The following SV2C variants were observed in gnomAD, a reference collection of about 807,000 sequenced individuals.
The protein encoded by SV2C is synaptic vesicle glycoprotein 2C.
A neutral mutation model predicts 79.7 loss-of-function variants in SV2C; 49 were observed. That is an observed-to-expected ratio of 0.61 (90% CI 0.49 to 0.78). The LOEUF (loss-of-function observed/expected upper bound fraction) is 0.78, where lower values mean the gene tolerates loss of function less well. Ranked by LOEUF, SV2C falls within the 30% of genes least tolerant of loss-of-function variation. The pLI is 0.00. For missense variants in SV2C, 833 were observed against 912.9 expected (o/e 0.91, Z 1.13); for synonymous variants, 334 against 333.2 (o/e 1.00, Z -0.03).
At chr5:76,312,843 C>T (rs147295592) in intron 12 of SV2C, among the ~76,000 whole-genome samples, 3 of 152,364 alleles carry the variant, frequency 2.0e-5, no homozygotes, top group African/African-American at 4.8e-5. Flanking sequence ...GAGTCCTGGG[C>T]AGCTGCTGCC....
At chr5:76,235,773 A>AT (rs146610662) in intron 4 of SV2C, among the ~76,000 whole-genome samples, 13,920 of 151,836 alleles carry the variant, frequency 0.092, 1,801 homozygotes, top group African/African-American at 0.29. Flanking sequence ...AAGAATCCAT[A>AT]TTTTTTTTCC....
At chr5:76,343,213 T>A (rs1456257027) in intron 12 of SV2C, among the ~76,000 whole-genome samples, 4 of 152,210 alleles carry the variant, frequency 2.6e-5, no homozygotes, top group Non-Finnish European at 5.9e-5. Flanking sequence ...TGGAATTCAT[T>A]TTTGTGTATC....
the SV2C span, among the ~76,000 whole-genome samples, chr5:76,009,865 C>T: frequency 6.6e-6 from 1 of 151,802 alleles, no homozygotes; most frequent in African/African-American, 2.4e-5. Context: ...ACTATATACC[C>T]AGGTAACAAA....
chr5:76,197,399 C>G (rs1744299459), intron 3 of SV2C, among the ~76,000 whole-genome samples: 1 of 152,054 alleles, frequency 6.6e-6, no homozygotes, highest in South Asian at 2.1e-4. Flanking sequence ...ATGCAAGAAA[C>G]AGAAAGGCCT....
rs112427480 is a variant in SV2C, at chr5:76,117,400, C to T, written c.-101-14250C>T. Among the ~76,000 whole-genome samples the T allele has an allele frequency of 9.7e-3, 1,482 of 152,270 alleles. 16 individuals are homozygous for T. The highest frequency in any genetic ancestry group is 0.033 in the African/African-American group (1,353 of 41,542). ...AGATGTCTTTCTAAATAAGATGACTCACTTCTGCAATTAATTTATAAACTT... is the reference window on the plus strand; with the variant it reads ...AGATGTCTTTCTAAATAAGATGACTTACTTCTGCAATTAATTTATAAACTT... On this transcript the variant is annotated intron_variant, in intron 1 of 12. Coordinates refer to ENST00000502798, the MANE Select transcript of SV2C (RefSeq NM_014979.4).
At chr5:76,161,002 T>C (rs1043619018) in intron 2 of SV2C, among the ~76,000 whole-genome samples, 1 of 152,200 alleles carries the variant, frequency 6.6e-6, no homozygotes, top group Non-Finnish European at 1.5e-5. Flanking sequence ...AGTTATTATA[T>C]GACCCAGCAA....
chr5:76,345,357 A>C (rs938706515), intron 12 of SV2C, among the ~76,000 whole-genome samples: 2 of 152,244 alleles, frequency 1.3e-5, no homozygotes, highest in Non-Finnish European at 2.9e-5. Flanking sequence ...TGGGTGCTGG[A>C]GACAGGCAGG....
At chr5:75,878,396 A>G in the SV2C span, among the ~76,000 whole-genome samples, 2 of 152,118 alleles carry the variant, frequency 1.3e-5, no homozygotes, top group African/African-American at 4.8e-5. Flanking sequence ...CTGCTCACCT[A>G]TTTTATTATA....
At chr5:76,088,153 C>T (rs1329555584) in intron 1 of SV2C, among the ~76,000 whole-genome samples, 1 of 152,132 alleles carries the variant, frequency 6.6e-6, no homozygotes, top group Non-Finnish European at 1.5e-5. Context: ...TATATTAACT[C>T]CTTATGCTCT....
At chr5:75,891,921 G>T in the SV2C span, among the ~76,000 whole-genome samples, 4,413 of 152,080 alleles carry the variant, frequency 0.029, 205 homozygotes, top group African/African-American at 0.096. Context: ...GCCTGCAATG[G>T]TCCCTGGTCC....
At chr5:76,188,709 C>T (rs139514171) in intron 2 of SV2C, among the ~76,000 whole-genome samples, 70 of 151,808 alleles carry the variant, frequency 4.6e-4, no homozygotes, top group African/African-American at 1.5e-3. Context: ...CATTTCTAAT[C>T]AGACACAGAA....
chr5:76,038,109 G>A, the SV2C span, among the ~76,000 whole-genome samples: 4 of 152,324 alleles, frequency 2.6e-5, no homozygotes, highest in South Asian at 2.1e-4. Flanking sequence ...GCTCACGCAC[G>A]GTGCGTGCAC....
chr5:76,197,929 G>T (rs1744322643), intron 3 of SV2C, among the ~76,000 whole-genome samples: 1 of 152,170 alleles, frequency 6.6e-6, no homozygotes, highest in Non-Finnish European at 1.5e-5. Flanking sequence ...TCAGGGTGCT[G>T]CTAGTGCAAG....
In SV2C at chr5:76,333,825, C is replaced by A. The variant is rs1193894213; in HGVS notation, c.*8278C>A. On this transcript the variant is annotated 3_prime_UTR_variant, in exon 13 of 13. Transcript: ENST00000502798. ...GGGATGGCTCGTGTACAGCATAAAT[C>A]TATCAAACTTGGAATTGTGTATACA... The A allele has an allele frequency of 6.6e-6, 1 of 152,186 alleles. No individual in the cohort carries two copies. Among genetic ancestry groups the A allele is most frequent in the East Asian group, 1.9e-4 (1 of 5,200 alleles). The allele number at this position is 152,186 out of a possible 1,614,324, so 9.4% of individuals were successfully genotyped here.
chr5:76,271,688 C>A, intron 4 of SV2C, among the ~76,000 whole-genome samples: 1 of 136,780 alleles, frequency 7.3e-6, no homozygotes, highest in East Asian at 2.2e-4. Context: ...AGGCTAGTCT[C>A]GAACTCCTGA....
rs1747737200 is a variant in SV2C at position 76,295,859 on chromosome 5, GGA to G, written c.1426_1427del (p.Asp476Ter). On this transcript the variant is annotated frameshift_variant, in exon 9 of 13. Transcript: ENST00000502798. LOFTEE classifies it high-confidence loss of function. ...DEYALLTRNVERDKYANFTIN... is the reference protein window; with the variant it reads ...DEYALLTRNVXRDKYANFTIN... ...AATATGCATTGCTAACCAGAAATGT[GGA>G]GAGAGATAAATATGCAAATTTCACT... 6.2e-7 allele frequency: 1 copy of G among 1,613,298 alleles called. No individual in the cohort carries two copies. The highest frequency in any genetic ancestry group is 8.5e-7 in the Non-Finnish European group (1 of 1,179,604).
chr5:76,261,802 C>G (rs1051056226), intron 4 of SV2C, among the ~76,000 whole-genome samples: 1 of 152,240 alleles, frequency 6.6e-6, no homozygotes, highest in South Asian at 2.1e-4. Context: ...CCGACTTGAT[C>G]GTGATGGATA....
chr5:76,230,663 C>A (rs576566267), intron 4 of SV2C, among the ~76,000 whole-genome samples: 1 of 152,140 alleles, frequency 6.6e-6, no homozygotes, highest in African/African-American at 2.4e-5. Context: ...ATGGCGGGCA[C>A]CTGTAATCCC....
intron 12 of SV2C, among the ~76,000 whole-genome samples, chr5:76,303,497 T>C (rs1173744478): frequency 6.6e-6 from 1 of 152,182 alleles, no homozygotes; most frequent in Non-Finnish European, 1.5e-5. Flanking sequence ...ACCTCCTCAA[T>C]GTTAAAGCAA....
Sources: gnomAD v4.1 joint callset for allele counts (sites outside exome capture counted in the v4.1 genomes callset) on GRCh38, gnomAD v4.1.1 for gene constraint, MANE v1.5 for transcripts, NCBI Gene and HGNC (gene_info 2026-07-23, HGNC 2026-07-21) for gene names.